IL22RA2: variants seen among roughly 807,000 people sequenced by gnomAD.
IL22RA2 encodes the protein interleukin 22 receptor subunit alpha 2.
A neutral mutation model predicts 30.7 loss-of-function variants in IL22RA2; 39 were observed. That is an observed-to-expected ratio of 1.27 (90% CI 0.98 to 1.66). IL22RA2 has a LOEUF of 1.66. Among genes scored for constraint, IL22RA2 ranks in the 40% most tolerant of loss-of-function variants. The probability of loss-of-function intolerance (pLI) is 0.00; values close to 1 mark genes in which losing one functional copy is unlikely to be tolerated. For synonymous variants in IL22RA2, 103 were observed against 105.0 expected, an observed-to-expected ratio of 0.98 and a Z score of 0.11; for missense variants, 315 against 312.7, an observed-to-expected ratio of 1.01 and a Z score of -0.05.
At chr6:137,160,365 T>C (rs1257244772) in intron 2 of IL22RA2, among the ~76,000 whole-genome samples, 1 of 152,226 alleles carries the variant, frequency 6.6e-6, no homozygotes, top group Non-Finnish European at 1.5e-5. Context: ...TACTGTGCAT[T>C]ATGGTCTTCC....
intron 2 of IL22RA2, among the ~76,000 whole-genome samples, chr6:137,160,500 C>T (rs920564203): frequency 6.6e-6 from 1 of 152,176 alleles, no homozygotes; most frequent in Non-Finnish European, 1.5e-5. Context: ...CAACAGAAAA[C>T]CAAGAGCAAA....
chr6:137,169,950 T>C (rs1243779746), intron 1 of IL22RA2, among the ~76,000 whole-genome samples: 2 of 152,226 alleles, frequency 1.3e-5, no homozygotes, highest in Non-Finnish European at 2.9e-5. Context: ...CATGGTCTGG[T>C]TGGAACCCGA....
intron 4 of IL22RA2, among the ~76,000 whole-genome samples, chr6:137,155,366 T>A (rs1778382206): frequency 6.6e-6 from 1 of 152,038 alleles, no homozygotes; most frequent in Admixed American, 6.6e-5. Flanking sequence ...CTTACAGTTT[T>A]GGAGGCTAGG....
At position 137,144,201 on chromosome 6, in the gene IL22RA2, T is replaced by C. The variant is rs544329873; in HGVS notation, c.*1423A>G. 1.7e-4 allele frequency: 26 copies of C among 152,228 alleles called. No homozygotes were observed. The highest frequency in any genetic ancestry group is 3.4e-3 in the Middle Eastern group (1 of 294). 9.4% of individuals were successfully genotyped at this position (152,228 alleles called of 1,614,324 possible). ...TTCAAAAACAGAGATCAAAGTAAAT[T>C]TTTTTTTCAGTCTCTGCGTCTATGC... On this transcript the variant is annotated 3_prime_UTR_variant, in exon 7 of 7. Transcript: ENST00000296980.
Position 137,154,958 on chromosome 6 carries a change from A to G in IL22RA2, c.455T>C (p.Phe152Ser), listed in dbSNP as rs1290805475. 2 of 1,614,090 alleles carry G rather than the reference A, an allele frequency of 1.2e-6. No homozygotes were observed. Among genetic ancestry groups the G allele is most frequent in the Non-Finnish European group, 1.7e-6 (2 of 1,179,964 alleles). The change falls in exon 5 of 7, where the codon TTC becomes TCC. Residue 152 changes from phenylalanine to serine, a missense_variant. Physicochemically the swap from Phe to Ser is radical, Grantham distance 155 (BLOSUM62 -2). Coordinates refer to ENST00000296980, the MANE Select transcript of IL22RA2 (RefSeq NM_052962.3). ...GAACTCACTTTCCCACCAGGGAGTGAACCGCGGCGTCATGCTCCATTCTGA... is the reference window on the plus strand; with the variant it reads ...GAACTCACTTTCCCACCAGGGAGTGGACCGCGGCGTCATGCTCCATTCTGA... ...SYSEWSMTPR[F>S]TPWWETKIDP... is the part of the protein sequence containing the mutation.
intron 1 of IL22RA2, among the ~76,000 whole-genome samples, chr6:137,171,144 T>C (rs1454824750): frequency 2.0e-5 from 3 of 152,214 alleles, no homozygotes; most frequent in Non-Finnish European, 2.9e-5. Flanking sequence ...AGCTATCCAA[T>C]AACATTTCAC....
At chr6:137,171,489 TGGA>T (rs749641490) in intron 1 of IL22RA2, among the ~76,000 whole-genome samples, 55 of 152,226 alleles carry the variant, frequency 3.6e-4, no homozygotes, top group Non-Finnish European at 6.5e-4. Context: ...GCTGCTGATG[TGGA>T]GGAGGCAGAG....
In IL22RA2 at chr6:137,152,138, AG is replaced by A. The variant is rs141429721; in HGVS notation, c.472+2802del. On this transcript the variant is annotated intron_variant, in intron 5 of 6. Transcript: ENST00000296980. The stretch of plus-strand genomic sequence containing the variant: ...TGAGGTGGAAGGATTGCTGGAGCCC[AG>A]GGGTTCAAGACTGAAGTGAGCTATG... Among the ~76,000 whole-genome samples, 884 of 152,162 alleles carry A rather than the reference AG, an allele frequency of 5.8e-3. 6 individuals carry two copies. The highest frequency in any genetic ancestry group is 0.021 in the African/African-American group (858 of 41,496).
At chr6:137,163,584 G>C (rs1778568433) in intron 1 of IL22RA2, among the ~76,000 whole-genome samples, 1 of 152,172 alleles carries the variant, frequency 6.6e-6, no homozygotes, top group Non-Finnish European at 1.5e-5. Flanking sequence ...ACAGTGCATA[G>C]ACATATGAAC....
chr6:137,171,272 G>C (rs6940707), intron 1 of IL22RA2, among the ~76,000 whole-genome samples: 12,067 of 152,226 alleles, frequency 0.079, 1,171 homozygotes, highest in African/African-American at 0.23. Flanking sequence ...GAAAAGTAGA[G>C]AATAAGGAGC....
At chr6:137,154,786 T>A (rs1436062327) in intron 5 of IL22RA2, among the ~76,000 whole-genome samples, 155 bp downstream of exon 5, 1 of 152,094 alleles carries the variant, frequency 6.6e-6, no homozygotes, top group African/African-American at 2.4e-5. Context: ...ATTAGGATAA[T>A]AAAAGCTATC....
chr6:137,145,036 ATAAAG>A lies in IL22RA2; in HGVS notation c.*583_*587del, dbSNP rs1778146794. The A allele has an allele frequency of 3.3e-5, 5 of 151,878 alleles. No individual in the cohort carries two copies. In the South Asian group the frequency reaches 1.0e-3, roughly 31 times the overall value. The allele number at this position is 151,878 out of a possible 1,614,324, so 9.4% of individuals were successfully genotyped here. On this transcript the variant is annotated 3_prime_UTR_variant, in exon 7 of 7. Coordinates refer to ENST00000296980, the MANE Select transcript of IL22RA2 (RefSeq NM_052962.3). ...TTCCCCAAAACCTGTTCTTATTTAC[ATAAAG>A]TAGACTTTAAAACAAAATTTTGATT...
intron 1 of IL22RA2, among the ~76,000 whole-genome samples, chr6:137,170,720 G>A (rs762372048): frequency 2.6e-5 from 4 of 151,964 alleles, no homozygotes; most frequent in Non-Finnish European, 5.9e-5. Flanking sequence ...TGATCATCCC[G>A]CAACAGACCC....
intron 1 of IL22RA2, among the ~76,000 whole-genome samples, chr6:137,163,428 A>G (rs1778564091): frequency 6.6e-6 from 1 of 152,186 alleles, no homozygotes; most frequent in Non-Finnish European, 1.5e-5. Flanking sequence ...CCTGTGGGTT[A>G]GAGCCCCAGG....
chr6:137,148,131 T>C (rs923097166), intron 5 of IL22RA2, among the ~76,000 whole-genome samples: 2 of 152,174 alleles, frequency 1.3e-5, no homozygotes, highest in South Asian at 2.1e-4. Flanking sequence ...CCTTTATAAA[T>C]GTAGGGAGTG....
intron 1 of IL22RA2, among the ~76,000 whole-genome samples, chr6:137,170,465 C>T (rs1312353125): frequency 6.6e-6 from 1 of 152,170 alleles, no homozygotes; most frequent in Non-Finnish European, 1.5e-5. Context: ...CCAGTGAGTT[C>T]CTGCATGACT....
intron 6 of IL22RA2, among the ~76,000 whole-genome samples, chr6:137,146,662 C>T (rs1778186001): frequency 6.6e-6 from 1 of 152,100 alleles, no homozygotes; most frequent in South Asian, 2.1e-4. Flanking sequence ...TTCAATTATC[C>T]ACCAAATCCA....
chr6:137,158,406 T>C lies in IL22RA2; in HGVS notation c.138A>G (p.Gln46=), dbSNP rs376298751. 4.3e-6 allele frequency: 7 copies of C among 1,614,032 alleles called. No homozygotes were observed. In the African/African-American group the frequency reaches 6.7e-5, roughly 15 times the overall value. ...FQSRNFHNIL[Q]WQPGRALTGN... ...CAGTAAGTGCCCTCCCAGGCTGCCA[T>C]TGCAAAATGTTGTGAAAATTTCGGG... The change falls in exon 3 of 7, where the codon CAA becomes CAG. Residue 46 remains glutamine (Q), a synonymous_variant. Transcript: ENST00000296980.
chr6:137,154,292 G>A (rs1363411407), intron 5 of IL22RA2, among the ~76,000 whole-genome samples: 1 of 152,110 alleles, frequency 6.6e-6, no homozygotes, highest in Non-Finnish European at 1.5e-5. Context: ...GAAGGACTAG[G>A]CACTATGACA....
Sources: gnomAD v4.1 joint callset for allele counts (sites outside exome capture counted in the v4.1 genomes callset) on GRCh38, gnomAD v4.1.1 for gene constraint, MANE v1.5 for transcripts, NCBI Gene and HGNC (gene_info 2026-07-23, HGNC 2026-07-21) for gene names.